ZNF609: variants seen among roughly 807,000 people sequenced by gnomAD.
ZNF609 encodes the protein zinc finger protein 609.
In ZNF609, 11 loss-of-function variants were observed where a neutral mutation model predicts 109.5. That is an observed-to-expected ratio of 0.10 (90% CI 0.06 to 0.17). The LOEUF is 0.17. Ranked by LOEUF, ZNF609 falls within the 10% of genes least tolerant of loss-of-function variation. The probability of loss-of-function intolerance (pLI) is 1.00; values close to 1 mark genes in which losing one functional copy is unlikely to be tolerated. For missense variants in ZNF609, 1,559 were observed against 1,772.4 expected (o/e 0.88, Z 2.16); for synonymous variants, 646 against 662.0 (o/e 0.98, Z 0.37).
chr15:64,679,884 G>A (rs1266343292), intron 6 of ZNF609, among the ~76,000 whole-genome samples: 2 of 152,186 alleles, frequency 1.3e-5, no homozygotes, highest in Non-Finnish European at 2.9e-5. Flanking sequence ...AGATAAGTGT[G>A]ATCTTTCCAC....
intron 2 of ZNF609, among the ~76,000 whole-genome samples, chr15:64,573,712 C>A (rs1894901767): frequency 6.6e-6 from 1 of 152,108 alleles, no homozygotes; most frequent in South Asian, 2.1e-4. Flanking sequence ...CATCTCCTGC[C>A]TATTTCACCC....
At chr15:64,578,156 TA>T (rs1895033294) in intron 2 of ZNF609, among the ~76,000 whole-genome samples, 1 of 152,130 alleles carries the variant, frequency 6.6e-6, no homozygotes, top group Non-Finnish European at 1.5e-5. Context: ...TTTATTTTTT[TA>T]TTTTTTTGAG....
upstream of ZNF609, among the ~76,000 whole-genome samples, chr15:64,459,816 A>G (rs1892911846): frequency 6.6e-6 from 1 of 152,156 alleles, no homozygotes; most frequent in Non-Finnish European, 1.5e-5. Flanking sequence ...TTAAACATGG[A>G]CTGAATGCCT....
At chr15:64,585,350 T>C (rs1303792068) in intron 2 of ZNF609, among the ~76,000 whole-genome samples, 2 of 152,042 alleles carry the variant, frequency 1.3e-5, no homozygotes, top group African/African-American at 4.8e-5. Context: ...CTGAGCTTGA[T>C]TCACTGTGCC....
chr15:64,646,067 CA>C (rs1327748606), intron 3 of ZNF609, among the ~76,000 whole-genome samples: 1 of 152,092 alleles, frequency 6.6e-6, no homozygotes, highest in East Asian at 1.9e-4. Flanking sequence ...GATGTTCACA[CA>C]AAAACTTGTA....
intron 1 of ZNF609, among the ~76,000 whole-genome samples, chr15:64,468,302 CCT>C (rs1217241892): frequency 1.3e-5 from 2 of 150,556 alleles, no homozygotes; most frequent in African/African-American, 4.9e-5. Flanking sequence ...TTCATTTTCT[CCT>C]CTCTCCTCCT....
intron 2 of ZNF609, among the ~76,000 whole-genome samples, chr15:64,511,299 C>CT (rs887585643): frequency 4.0e-5 from 6 of 151,778 alleles, no homozygotes; most frequent in South Asian, 2.1e-4. Context: ...TGGTGAAACT[C>CT]TATCACTACT....
Position 64,645,412 on chromosome 15 carries a change from A to G in ZNF609, c.973+22360A>G, listed in dbSNP as rs183669151. On this transcript the variant is annotated intron_variant, in intron 3 of 9. Coordinates refer to ENST00000326648, the MANE Select transcript of ZNF609 (RefSeq NM_015042.2). ...GGCGTCCTACATTTTCTGCCCCACA[A>G]CTAGCAACTGTTTTTTCCTCTGATT... Among the ~76,000 whole-genome samples the G allele has an allele frequency of 8.8e-4, 133 of 151,502 alleles. 1 individual carries two copies. Among genetic ancestry groups the G allele is most frequent in the African/African-American group, 3.0e-3 (124 of 41,282 alleles).
rs1476280389 is a variant in ZNF609 at position 64,682,064 on chromosome 15, C to G, written c.*378C>G. 1 of 152,694 alleles carries G rather than the reference C, an allele frequency of 6.5e-6. No homozygotes were observed. The highest frequency in any genetic ancestry group is 1.5e-5 in the Non-Finnish European group (1 of 68,266). The allele number at this position is 152,694 out of a possible 1,614,324, so 9.5% of individuals were successfully genotyped here. On this transcript the variant is annotated 3_prime_UTR_variant, in exon 10 of 10. Transcript: ENST00000326648. ...CTGCTGCTGGAGCAGTACCAGCCCC[C>G]CCGCCCACCAGGGAGGGACCCCCAC...
intron 2 of ZNF609, among the ~76,000 whole-genome samples, chr15:64,577,924 G>T (rs188085974): frequency 2.3e-4 from 35 of 151,874 alleles, no homozygotes; most frequent in African/African-American, 8.2e-4. Context: ...GGAGGTCAAG[G>T]TGGGAGGATT....
intron 1 of ZNF609, among the ~76,000 whole-genome samples, chr15:64,475,392 C>CT (rs35289626): frequency 0.82 from 89,395 of 109,544 alleles, 38,479 homozygotes; most frequent in East Asian, 0.92. Flanking sequence ...CACATGTTGT[C>CT]TTTTTTTTTT....
At chr15:64,508,263 ATC>A (rs754265424) in intron 2 of ZNF609, among the ~76,000 whole-genome samples, 41 of 152,324 alleles carry the variant, frequency 2.7e-4, no homozygotes, top group Non-Finnish European at 5.1e-4. Flanking sequence ...TTCTTTTGGC[ATC>A]TGTTGCTCAA....
At position 64,625,958 on chromosome 15, in the gene ZNF609, G is replaced by T. The variant is rs1254997426; in HGVS notation, c.973+2906G>T. On this transcript the variant is annotated intron_variant, in intron 3 of 9. Transcript: ENST00000326648. ...ATATAGAGAGAGAGAGAGAGAGAGA[G>T]AGAGAGAGAGAGGATATTAAAATAT... Among the ~76,000 whole-genome samples, 6 of 110,480 alleles carry T rather than the reference G, an allele frequency of 5.4e-5. No homozygotes were observed. In the East Asian group the frequency reaches 9.2e-4, roughly 17 times the overall value. The allele number at this position is 110,480 out of a possible 152,430, so 72.5% of individuals were successfully genotyped here.
intron 2 of ZNF609, among the ~76,000 whole-genome samples, chr15:64,593,557 T>C (rs1389914840): frequency 6.6e-6 from 1 of 152,190 alleles, no homozygotes; most frequent in Admixed American, 6.5e-5. Flanking sequence ...GACAGGGTCT[T>C]GTTCTCTCGC....
Position 64,537,259 on chromosome 15 carries a change from A to G in ZNF609, c.747+37093A>G, listed in dbSNP as rs549812918. On this transcript the variant is annotated intron_variant, in intron 2 of 9. Transcript: ENST00000326648. The stretch of plus-strand genomic sequence containing the variant: ...ACACCTGTAATCCCAGCACTTTGGG[A>G]GGCCGAAGCGGGTGGATCACCTGAG... Among the ~76,000 whole-genome samples the G allele has an allele frequency of 3.4e-3, 520 of 152,068 alleles. 1 individual carries two copies. The highest frequency in any genetic ancestry group is 6.4e-3 in the Non-Finnish European group (434 of 67,978).
chr15:64,591,508 A>G (rs1305055063), intron 2 of ZNF609, among the ~76,000 whole-genome samples: 2 of 152,162 alleles, frequency 1.3e-5, no homozygotes, highest in Non-Finnish European at 2.9e-5. Context: ...TTTTAAAAAA[A>G]GCCTCAAAAT....
intron 1 of ZNF609, among the ~76,000 whole-genome samples, chr15:64,482,376 G>T (rs1011118111): frequency 8.1e-5 from 12 of 148,398 alleles, no homozygotes; most frequent in Middle Eastern, 3.6e-3. Context: ...TTTCCTATAC[G>T]TTTTTTTTTT....
intron 5 of ZNF609, 80 bp from the exon 6 acceptor site, chr15:64,678,036 T>C: frequency 6.5e-7 from 1 of 1,527,612 alleles, no homozygotes; most frequent in Non-Finnish European, 8.8e-7. Flanking sequence ...TCTGCTCTGG[T>C]GGTTCTACTG....
At chr15:64,521,856 C>T (rs999252258) in intron 2 of ZNF609, among the ~76,000 whole-genome samples, 1 of 152,088 alleles carries the variant, frequency 6.6e-6, no homozygotes, top group Non-Finnish European at 1.5e-5. Flanking sequence ...GGATCCCTGT[C>T]CCTTCATTAT....
Sources: allele counts gnomAD v4.1 joint callset (sites outside exome capture counted in the v4.1 genomes callset), GRCh38; gene constraint gnomAD v4.1.1; transcripts MANE v1.5; gene names NCBI Gene and HGNC (gene_info 2026-07-23, HGNC 2026-07-21).